The following HEATR5B variants were observed in gnomAD, a reference collection of about 807,000 sequenced individuals.
HEATR5B encodes HEAT repeat-containing protein 5B.
Under a neutral mutation model 224.1 loss-of-function variants are expected in HEATR5B, and 156 were observed. That is an observed-to-expected ratio of 0.70 (90% confidence interval 0.61 to 0.80). The LOEUF is 0.80. HEATR5B is among the 30% of genes least tolerant of loss of function. The pLI, the probability that HEATR5B is intolerant of heterozygous loss-of-function variation, is 0.00. For missense variants in HEATR5B, 2,323 were observed against 2,535.5 expected (o/e 0.92, Z 1.80); for synonymous variants, 1,027 against 893.0 (o/e 1.15, Z -2.68).
chr2:37,013,769 C>A, intron 27 of HEATR5B, 72 bp downstream of exon 27: 1 of 1,341,082 alleles, frequency 7.5e-7, no homozygotes, highest in South Asian at 1.8e-5. Context: ...TTTTTACCAA[C>A]AAGAGTAGAG....
At chr2:37,051,734 T>C (rs995535541) in intron 17 of HEATR5B, among the ~76,000 whole-genome samples, 5 of 151,974 alleles carry the variant, frequency 3.3e-5, no homozygotes, top group African/African-American at 1.2e-4. Flanking sequence ...CTGTATTTCT[T>C]CTTCTTTTTT....
At chr2:37,055,114 T>G (rs1377961231) in intron 16 of HEATR5B, 14 of 406,158 alleles carry the variant, frequency 3.4e-5, no homozygotes, top group Non-Finnish European at 7.2e-5. Context: ...GTAAATATAT[T>G]AAGCCGCACA....
At chr2:36,996,601 A>AT (rs1245107460) in intron 33 of HEATR5B, among the ~76,000 whole-genome samples, 14 of 151,140 alleles carry the variant, frequency 9.3e-5, no homozygotes, top group East Asian at 5.9e-4. Context: ...ATATATATAT[A>AT]TTTTTTTGAG....
chr2:37,081,220 T>C (rs1672544208), intron 2 of HEATR5B, among the ~76,000 whole-genome samples: 1 of 152,176 alleles, frequency 6.6e-6, no homozygotes, highest in Admixed American at 6.5e-5. Flanking sequence ...AGTGAATCCA[T>C]GCATTGTTTT....
intron 33 of HEATR5B, among the ~76,000 whole-genome samples, chr2:36,991,026 AC>A (rs981380964): frequency 1.3e-5 from 2 of 152,092 alleles, no homozygotes; most frequent in African/African-American, 4.8e-5. Context: ...CTCTCTCCCC[AC>A]AACATTTATA....
chr2:37,024,693 T>C (rs1427291777), intron 24 of HEATR5B, among the ~76,000 whole-genome samples: 1 of 152,218 alleles, frequency 6.6e-6, no homozygotes, highest in African/African-American at 2.4e-5. Context: ...TGGGTCTACT[T>C]ACATTATGCC....
intron 35 of HEATR5B, among the ~76,000 whole-genome samples, chr2:36,982,179 T>G (rs1464223774): frequency 6.6e-6 from 1 of 152,140 alleles, no homozygotes; most frequent in Non-Finnish European, 1.5e-5. Flanking sequence ...AAGCATCTAT[T>G]TACCATTATT....
intron 16 of HEATR5B, among the ~76,000 whole-genome samples, 197 bp downstream of exon 16, chr2:37,056,241 TAA>T (rs1042401951): frequency 6.6e-6 from 1 of 152,150 alleles, no homozygotes; most frequent in East Asian, 1.9e-4. Flanking sequence ...AAATCTTACA[TAA>T]AGTCTCAAAT....
chr2:37,032,896 TTGAGACAGAG>T, intron 21 of HEATR5B, 123 bp from the exon 22 acceptor site: 2 of 886,142 alleles, frequency 2.3e-6, no homozygotes, highest in Non-Finnish European at 3.2e-6. Context: ...TTTTTTTTTT[TTGAGACAGAG>T]TTTTGCTCTT....
At chr2:37,006,921 T>C (rs1224990763) in intron 29 of HEATR5B, 129 bp downstream of exon 29, 2 of 774,396 alleles carry the variant, frequency 2.6e-6, no homozygotes, top group East Asian at 5.4e-5. Context: ...TAAGGTGAGG[T>C]GAAAAATCCT....
At chr2:36,983,293 GC>G (rs1665705244) in intron 35 of HEATR5B, among the ~76,000 whole-genome samples, 1 of 151,770 alleles carries the variant, frequency 6.6e-6, no homozygotes, top group African/African-American at 2.4e-5. Flanking sequence ...ACTTTGGGAG[GC>G]CAAGGTGGGC....
chr2:37,057,163 C>T (rs1314009829), intron 15 of HEATR5B, among the ~76,000 whole-genome samples, 154 bp downstream of exon 15: 2 of 152,162 alleles, frequency 1.3e-5, no homozygotes, highest in African/African-American at 4.8e-5. Context: ...TAACTTTTTT[C>T]ACTATCTACC....
At chr2:37,019,771 T>C (rs1252920955) in intron 26 of HEATR5B, 38 bp downstream of exon 26, 12 of 1,370,570 alleles carry the variant, frequency 8.8e-6, no homozygotes, top group African/African-American at 1.5e-5. Flanking sequence ...TATGAATGTA[T>C]AGAAGACAAC....
At chr2:36,984,058 G>A (rs1665762414) in intron 35 of HEATR5B, among the ~76,000 whole-genome samples, 1 of 149,468 alleles carries the variant, frequency 6.7e-6, no homozygotes, top group African/African-American at 2.5e-5. Flanking sequence ...AAATTAGCTG[G>A]ACGTGGTGGC....
intron 5 of HEATR5B, 140 bp downstream of exon 5, chr2:37,075,345 T>C: frequency 1.7e-6 from 1 of 588,218 alleles, no homozygotes. Context: ...GATGTGATAC[T>C]ATTATATATA....
At chr2:37,028,263 T>TA in intron 23 of HEATR5B, 89 bp from the exon 24 acceptor site, 2 of 795,136 alleles carry the variant, frequency 2.5e-6, no homozygotes, top group Non-Finnish European at 3.6e-6. Context: ...TTTTTTAATT[T>TA]AAAAAAAGAC....
In HEATR5B at chr2:37,058,919, G is replaced by T; in HGVS notation, c.1918C>A (p.Pro640Thr). The T allele has an allele frequency of 1.2e-6, 2 of 1,609,846 alleles. No individual in the cohort carries two copies. The highest frequency in any genetic ancestry group is 1.7e-6 in the Non-Finnish European group (2 of 1,177,248). ...TEDVIRKLMT[P>T]IECAMTMMSH... ...ATCATAGTCATGGCACATTCAATAG[G>T]GGTCATCAATTTTCGAATCACATCT... Residue 640 changes from proline to threonine, a missense_variant, in exon 13 of 36, where the codon CCT becomes ACT. Around this residue, in one of 12 missense-constraint regions of HEATR5B, gnomAD observed 502 missense variants for 517.8 expected, o/e 0.97. Coordinates refer to ENST00000233099, the MANE Select transcript of HEATR5B (RefSeq NM_019024.3).
chr2:37,041,157 T>C lies in HEATR5B; in HGVS notation c.2832A>G (p.Gln944=). The stretch of plus-strand genomic sequence containing the variant: ...CCTGGACTTCAGGGGATGTCCCATC[T>C]TGTGCTAGAGCCAATAAAATGCTGA... ...TSVSILLALA[Q]DGTSPEVQTW... is the part of the protein sequence containing the mutation. The change falls in exon 19 of 36, where the codon CAA becomes CAG. Residue 944 remains glutamine, a synonymous_variant. Coordinates refer to ENST00000233099, the MANE Select transcript of HEATR5B (RefSeq NM_019024.3). 6.2e-7 allele frequency: 1 copy of C among 1,614,090 alleles called. No homozygotes were observed. Among genetic ancestry groups the C allele is most frequent in the Non-Finnish European group, 8.5e-7 (1 of 1,179,966 alleles).
intron 30 of HEATR5B, among the ~76,000 whole-genome samples, chr2:37,004,365 G>T (rs1667279776): frequency 6.7e-6 from 1 of 150,102 alleles, no homozygotes; most frequent in Non-Finnish European, 1.5e-5. Flanking sequence ...TATCTCGTAT[G>T]TTTTCAACTT....
Sources: allele counts gnomAD v4.1 joint callset (sites outside exome capture counted in the v4.1 genomes callset), GRCh38; gene constraint gnomAD v4.1.1; regional missense constraint gnomAD v4.1.1; transcripts MANE v1.5; gene names NCBI Gene and HGNC (gene_info 2026-07-23, HGNC 2026-07-21).